SFSWAP: variants seen among roughly 807,000 people sequenced by gnomAD.
The protein encoded by SFSWAP is splicing factor SWAP, also known as splicing factor, suppressor of white-apricot homolog.
In SFSWAP, 17 loss-of-function variants were observed where a neutral mutation model predicts 100.7. The observed-to-expected ratio is 0.17, with a 90% CI of 0.12 to 0.25. The LOEUF is 0.25. Ranked by LOEUF, SFSWAP falls within the 10% of genes least tolerant of loss-of-function variation. The pLI is 1.00. For missense variants in SFSWAP, 1,005 were observed against 1,262.6 expected (o/e 0.80, Z 3.09); for synonymous variants, 504 against 510.1 (o/e 0.99, Z 0.16).
At chr12:131,736,598 C>T (rs1880042791) in intron 7 of SFSWAP, among the ~76,000 whole-genome samples, 1 of 152,038 alleles carries the variant, frequency 6.6e-6, no homozygotes, top group Non-Finnish European at 1.5e-5. Flanking sequence ...ACCTGAAATC[C>T]GTAGTAAACA....
At chr12:131,723,614 T>TG (rs1320554817) in intron 4 of SFSWAP, among the ~76,000 whole-genome samples, 1 of 152,202 alleles carries the variant, frequency 6.6e-6, no homozygotes, top group East Asian at 1.9e-4. Context: ...CCACTGCCCC[T>TG]GGGGTTCCTT....
rs779380423 is a variant in SFSWAP, at chr12:131,719,553, A to G, written c.606+14A>G. On this transcript the variant is annotated intron_variant, in intron 4 of 17. Transcript: ENST00000261674. ...GACGTGGAGTTGGTATGTGTCCTGCATGAGCACTAGTTGTCGTCATTATTA... is the reference window on the plus strand; with the variant it reads ...GACGTGGAGTTGGTATGTGTCCTGCGTGAGCACTAGTTGTCGTCATTATTA... The G allele has an allele frequency of 4.4e-6, 7 of 1,584,252 alleles. No individual in the cohort carries two copies. Among genetic ancestry groups the G allele is most frequent in the East Asian group, 2.2e-5 (1 of 44,764 alleles).
intron 3 of SFSWAP, among the ~76,000 whole-genome samples, chr12:131,718,174 G>C (rs1378298429): frequency 1.3e-5 from 2 of 152,212 alleles, no homozygotes; most frequent in Non-Finnish European, 2.9e-5. Flanking sequence ...GAATACCCAA[G>C]TTTTTGTATA....
In SFSWAP at chr12:131,753,383, C is replaced by T; in HGVS notation, c.1322+20C>T. 6.2e-7 allele frequency: 1 copy of T among 1,600,918 alleles called. No individual in the cohort carries two copies. The highest frequency in any genetic ancestry group is 2.2e-5 in the East Asian group (1 of 44,576). ...CACAAGGTAGGTGCAGCGTCCACCGCTGCCTGCTGTGTGAGTCACTCAGCA... is the reference window on the plus strand; with the variant it reads ...CACAAGGTAGGTGCAGCGTCCACCGTTGCCTGCTGTGTGAGTCACTCAGCA... On this transcript the variant is annotated intron_variant, in intron 8 of 17. Transcript: ENST00000261674.
chr12:131,769,493 A>AT (rs1883406785), intron 13 of SFSWAP, among the ~76,000 whole-genome samples: 1 of 152,188 alleles, frequency 6.6e-6, no homozygotes, highest in Admixed American at 6.5e-5. Flanking sequence ...CACAAGTATA[A>AT]TTTATCACTA....
intron 11 of SFSWAP, among the ~76,000 whole-genome samples, chr12:131,763,048 C>T (rs1253515071): frequency 6.6e-6 from 1 of 152,172 alleles, no homozygotes; most frequent in African/African-American, 2.4e-5. Context: ...ACTGCTGTCC[C>T]GGTATCAGTA....
chr12:131,713,320 T>C (rs542671750), intron 1 of SFSWAP: 2 of 152,326 alleles, frequency 1.3e-5, no homozygotes, highest in Middle Eastern at 6.8e-3. Flanking sequence ...TACTGTTTGG[T>C]CCATGCAAGA....
Position 131,711,835 on chromosome 12 carries a change from A to G in SFSWAP, c.218+388A>G, listed in dbSNP as rs1191897788. On this transcript the variant is annotated intron_variant, in intron 1 of 17. Transcript: ENST00000261674. This position sits in a 1 kb window ranked among gnomAD's most constrained non-coding sequence, Gnocchi z 4.9. ...CCATGGGGTCGTGCGCTGCTTTTCT[A>G]CTTGCCGCGCTCTCACTGCTCGGTG... 1 of 219,484 alleles carries G rather than the reference A, an allele frequency of 4.6e-6. No homozygotes were observed. Among genetic ancestry groups the G allele is most frequent in the Non-Finnish European group, 9.3e-6 (1 of 107,028 alleles). 13.6% of individuals were successfully genotyped at this position (219,484 alleles called of 1,614,324 possible).
At chr12:131,739,406 A>G (rs1402676467) in intron 7 of SFSWAP, among the ~76,000 whole-genome samples, 2 of 152,138 alleles carry the variant, frequency 1.3e-5, no homozygotes, top group African/African-American at 4.8e-5. Flanking sequence ...TGATATAGAA[A>G]TATATTTAAG....
chr12:131,786,914 A>G (rs1884937782), intron 15 of SFSWAP, among the ~76,000 whole-genome samples: 1 of 152,128 alleles, frequency 6.6e-6, no homozygotes, highest in Admixed American at 6.5e-5. Flanking sequence ...AGAGGACAGG[A>G]AGGCACAAAC....
intron 13 of SFSWAP, among the ~76,000 whole-genome samples, chr12:131,767,759 G>A (rs1017685552): frequency 7.2e-5 from 11 of 152,058 alleles, no homozygotes; most frequent in Non-Finnish European, 1.5e-4. Context: ...ACATGTTCTC[G>A]CTTATAAGTG....
chr12:131,797,429 C>T, intron 16 of SFSWAP, 69 bp downstream of exon 16: 2 of 1,375,452 alleles, frequency 1.5e-6, no homozygotes, highest in Non-Finnish European at 2.0e-6. Context: ...TCTCCCTCCT[C>T]CCTGAGTCCT....
At chr12:131,765,649 CAAAG>C (rs1593165606) in intron 12 of SFSWAP, among the ~76,000 whole-genome samples, 2 of 146,774 alleles carry the variant, frequency 1.4e-5, no homozygotes, top group East Asian at 2.0e-4. Flanking sequence ...AACTCCGTCT[CAAAG>C]AAAAAAAAAA....
At chr12:131,761,770 C>T (rs1882698222) in intron 11 of SFSWAP, among the ~76,000 whole-genome samples, 1 of 152,170 alleles carries the variant, frequency 6.6e-6, no homozygotes, top group Non-Finnish European at 1.5e-5. Context: ...TCCTGATTCC[C>T]TGTACTGACC....
At chr12:131,739,213 A>G (rs551455602) in intron 7 of SFSWAP, among the ~76,000 whole-genome samples, 25 of 152,142 alleles carry the variant, frequency 1.6e-4, no homozygotes, top group Non-Finnish European at 3.7e-4. Context: ...ATGTGGTATA[A>G]TTCTATATGC....
chr12:131,741,667 A>G (rs1460390944), intron 7 of SFSWAP, among the ~76,000 whole-genome samples: 1 of 151,688 alleles, frequency 6.6e-6, no homozygotes, highest in African/African-American at 2.4e-5. Context: ...AAAACAGTAA[A>G]CACCATTCTG....
chr12:131,722,710 G>A (rs996438938), intron 4 of SFSWAP, among the ~76,000 whole-genome samples: 2 of 151,992 alleles, frequency 1.3e-5, no homozygotes, highest in African/African-American at 2.4e-5. Context: ...CACTTTGGGA[G>A]GCCGAGGTGG....
At chr12:131,766,394 C>A in intron 13 of SFSWAP, 86 bp downstream of exon 13, 4 of 1,281,086 alleles carry the variant, frequency 3.1e-6, no homozygotes, top group South Asian at 1.3e-5. Flanking sequence ...CTGCCCTAGT[C>A]TCTGGCCTGA....
At chr12:131,785,609 G>A (rs986153463) in intron 14 of SFSWAP, 8 of 169,170 alleles carry the variant, frequency 4.7e-5, no homozygotes, top group Non-Finnish European at 6.4e-5. Context: ...CAAACTCATC[G>A]CTAAGGGGCC....
Sources: gnomAD v4.1 joint callset for allele counts (sites outside exome capture counted in the v4.1 genomes callset) on GRCh38, gnomAD v4.1.1 for gene constraint, Gnocchi (gnomAD v3.1) non-coding constraint, MANE v1.5 for transcripts, NCBI Gene and HGNC (gene_info 2026-07-23, HGNC 2026-07-21) for gene names.